Variants in PHACTR1 observed in about 807,000 individuals in gnomAD.
The protein encoded by PHACTR1 is phosphatase and actin regulator 1.
PHACTR1 carries 16 observed loss-of-function variants against 69.2 expected under a neutral mutation model. The observed-to-expected ratio is 0.23, with a 90% CI of 0.16 to 0.35. The LOEUF is 0.35. Ranked by LOEUF, PHACTR1 falls within the 10% of genes least tolerant of loss-of-function variation. PHACTR1 has a pLI of 1.00. For synonymous variants in PHACTR1, 312 were observed against 284.5 expected (o/e 1.10, Z -0.97); for missense variants, 510 against 734.7 (o/e 0.69, Z 3.54).
chr6:12,732,876 A>G (rs1044342464), intron 3 of PHACTR1, among the ~76,000 whole-genome samples: 37 of 152,178 alleles, frequency 2.4e-4, no homozygotes, highest in Admixed American at 6.5e-5. Context: ...CTTTTTCCCA[A>G]CGGGTGACTT....
chr6:13,178,483 T>A (rs144920737), intron 6 of PHACTR1, among the ~76,000 whole-genome samples: 16 of 152,368 alleles, frequency 1.1e-4, no homozygotes, highest in African/African-American at 3.6e-4. Context: ...ACCCAAGGAC[T>A]TATTAGATGT....
chr6:13,026,787 C>T (rs1223244621), intron 4 of PHACTR1, among the ~76,000 whole-genome samples: 1 of 152,042 alleles, frequency 6.6e-6, no homozygotes, highest in Non-Finnish European at 1.5e-5. Flanking sequence ...TGTCCTCACC[C>T]CGTGCCCAGC....
rs1761876709 is a variant in PHACTR1, at chr6:13,179,446, T to TGTGTGTGTGTGTG, written c.497-3073_497-3072insGTGTGTGTGTGTG. On this transcript the variant is annotated intron_variant, in intron 6 of 14. Coordinates refer to ENST00000332995, the MANE Select transcript of PHACTR1 (RefSeq NM_030948.6). This position sits in a 1 kb window ranked among gnomAD's most constrained non-coding sequence, Gnocchi z 4.2. ...TGTGTGTGTGTGTGTGTGTGTGTGT[T>TGTGTGTGTGTGTG]TAAAAATGTCATAATAAAAAATTTA... 5.9e-5 allele frequency among the ~76,000 whole-genome samples: 5 copies of TGTGTGTGTGTGTG among 85,330 alleles called. No homozygotes were observed. The highest frequency in any genetic ancestry group is 2.6e-4 in the Admixed American group (2 of 7,602). 56.0% of individuals were successfully genotyped at this position (85,330 alleles called of 152,430 possible). A position where few individuals can be genotyped will look rare whatever the true frequency, so the allele number is the denominator to read the frequency against.
intron 4 of PHACTR1, among the ~76,000 whole-genome samples, chr6:12,798,980 G>A (rs1773403143): frequency 6.6e-6 from 1 of 152,162 alleles, no homozygotes; most frequent in Non-Finnish European, 1.5e-5. Flanking sequence ...TTTCTTCTCT[G>A]AAGTTGTTCT....
intron 10 of PHACTR1, among the ~76,000 whole-genome samples, chr6:13,261,565 G>C (rs908990050): frequency 6.6e-6 from 1 of 152,194 alleles, no homozygotes; most frequent in Non-Finnish European, 1.5e-5. Context: ...TGGAGTAGGA[G>C]GGTGTTCTGT....
intron 5 of PHACTR1, among the ~76,000 whole-genome samples, chr6:13,084,834 A>G (rs1215982964): frequency 6.6e-6 from 1 of 152,126 alleles, no homozygotes; most frequent in African/African-American, 2.4e-5. Context: ...TAAGCATATT[A>G]AACATTTAAG....
At chr6:12,870,626 A>G (rs1781939210) in intron 4 of PHACTR1, among the ~76,000 whole-genome samples, 1 of 152,238 alleles carries the variant, frequency 6.6e-6, no homozygotes, top group African/African-American at 2.4e-5. Context: ...AATTGCACAT[A>G]TACAGATACA....
At chr6:12,931,244 G>A (rs1788837664) in intron 4 of PHACTR1, among the ~76,000 whole-genome samples, 1 of 151,774 alleles carries the variant, frequency 6.6e-6, no homozygotes, top group African/African-American at 2.4e-5. Context: ...GAGTGAGAAG[G>A]AGGTAAAGGA....
intron 4 of PHACTR1, among the ~76,000 whole-genome samples, chr6:12,899,453 A>G (rs1446847068): frequency 6.6e-6 from 1 of 152,220 alleles, no homozygotes; most frequent in Non-Finnish European, 1.5e-5. Context: ...TAGCCCAGCT[A>G]ATAGGGTTCC....
At chr6:13,156,972 T>C (rs957567135) in intron 5 of PHACTR1, among the ~76,000 whole-genome samples, 2 of 152,238 alleles carry the variant, frequency 1.3e-5, no homozygotes, top group African/African-American at 4.8e-5. Context: ...CATTGGCCTC[T>C]TTCCAATCCA....
intron 5 of PHACTR1, among the ~76,000 whole-genome samples, chr6:13,115,647 C>A (rs927086912): frequency 1.3e-5 from 2 of 152,278 alleles, no homozygotes; most frequent in South Asian, 4.1e-4. Flanking sequence ...AAGGTTGCCA[C>A]AGTCGAAGCT....
intron 4 of PHACTR1, among the ~76,000 whole-genome samples, chr6:12,979,336 T>G (rs1795236280): frequency 6.6e-6 from 1 of 152,228 alleles, no homozygotes; most frequent in African/African-American, 2.4e-5. Flanking sequence ...GGTGCATCTC[T>G]AAACATGGCG....
chr6:13,139,743 T>G (rs551630115), intron 5 of PHACTR1, among the ~76,000 whole-genome samples: 1 of 152,324 alleles, frequency 6.6e-6, no homozygotes, highest in Non-Finnish European at 1.5e-5. Context: ...AAGCTACTGT[T>G]CTTCATTAAT....
chr6:12,870,709 C>T (rs965867214), intron 4 of PHACTR1, among the ~76,000 whole-genome samples: 3 of 152,196 alleles, frequency 2.0e-5, no homozygotes, highest in African/African-American at 4.8e-5. Flanking sequence ...GCCTCTCCTT[C>T]TGGGTACATC....
rs114097430 is a variant in PHACTR1, at chr6:13,013,210, A to G, written c.251-40155A>G. 1.0e-2 allele frequency among the ~76,000 whole-genome samples: 1,516 copies of G among 152,262 alleles called. 24 individuals carry two copies. Among genetic ancestry groups the G allele is most frequent in the African/African-American group, 0.034 (1,419 of 41,550 alleles). On this transcript the variant is annotated intron_variant, in intron 4 of 14. Transcript: ENST00000332995. The stretch of plus-strand genomic sequence containing the variant: ...ATCCCAAAGTCGCAAATTGTTTCTG[A>G]GTTTTGATAAAATCAGCGTTTTCTT...
intron 5 of PHACTR1, among the ~76,000 whole-genome samples, chr6:13,074,834 C>T (rs191615148): frequency 5.9e-5 from 9 of 152,102 alleles, no homozygotes; most frequent in East Asian, 1.9e-4. Flanking sequence ...TCTTCAGATA[C>T]GGAGAGGACT....
In PHACTR1 at chr6:12,964,859, C is replaced by G. The variant is rs188105231; in HGVS notation, c.251-88506C>G. 1.1e-4 allele frequency among the ~76,000 whole-genome samples: 16 copies of G among 152,274 alleles called. No homozygotes were observed. In the East Asian group the frequency reaches 3.1e-3, roughly 29 times the overall value. On this transcript the variant is annotated intron_variant, in intron 4 of 14. Transcript: ENST00000332995. Reference sequence around the variant, plus strand: ...CAAGCCTGCATGGTAGGTACAAATACAGCTGTTCCTCATTTTTCCAAGATC... The same window carrying G: ...CAAGCCTGCATGGTAGGTACAAATAGAGCTGTTCCTCATTTTTCCAAGATC...
intron 5 of PHACTR1, among the ~76,000 whole-genome samples, chr6:13,063,814 T>C (rs987348876): frequency 6.6e-6 from 1 of 150,892 alleles, no homozygotes; most frequent in Non-Finnish European, 1.5e-5. Flanking sequence ...AAAAGGATTG[T>C]TGGGGGAAGG....
At chr6:12,798,887 T>C (rs185877987) in intron 4 of PHACTR1, among the ~76,000 whole-genome samples, 3 of 152,352 alleles carry the variant, frequency 2.0e-5, no homozygotes, top group Admixed American at 1.3e-4. Context: ...AAGGGAACAT[T>C]CTCTCTATTC....
Sources: allele counts gnomAD v4.1 joint callset (sites outside exome capture counted in the v4.1 genomes callset), GRCh38; gene constraint gnomAD v4.1.1; non-coding constraint Gnocchi (gnomAD v3.1); transcripts MANE v1.5; gene names NCBI Gene and HGNC (gene_info 2026-07-23, HGNC 2026-07-21).